The following DNAJC10 variants were observed in gnomAD, a reference collection of about 807,000 sequenced individuals.
The protein encoded by DNAJC10 is endoplasmic reticulum disulfide reductase DNAJC10.
DNAJC10 carries 101 observed loss-of-function variants against 115.0 expected under a neutral mutation model. That is an observed-to-expected ratio of 0.88 (90% CI 0.75 to 1.04). The LOEUF (loss-of-function observed/expected upper bound fraction) is 1.04, where lower values mean the gene tolerates loss of function less well. Ranked by LOEUF, DNAJC10 falls within the 50% of genes least tolerant of loss-of-function variation. DNAJC10 has a pLI of 0.00. For missense variants in DNAJC10, 981 were observed against 928.8 expected, an observed-to-expected ratio of 1.06 and a Z score of -0.73; for synonymous variants, 307 against 301.5, an observed-to-expected ratio of 1.02 and a Z score of -0.19.
rs552948274 is a variant in DNAJC10, at chr2:182,777,693, C to T, written c.*561C>T. The T allele has an allele frequency of 2.6e-5, 4 of 152,248 alleles. No individual in the cohort carries two copies. Among genetic ancestry groups the T allele is most frequent in the South Asian group, 4.1e-4 (2 of 4,822 alleles). The allele number at this position is 152,248 out of a possible 1,614,324, so 9.4% of individuals were successfully genotyped here. A position where few individuals can be genotyped will look rare whatever the true frequency, so the allele number is the denominator to read the frequency against. On this transcript the variant is annotated 3_prime_UTR_variant, in exon 24 of 24. Coordinates refer to ENST00000264065, the MANE Select transcript of DNAJC10 (RefSeq NM_018981.4). ...TATCCCTAACCATATATTTATATTT[C>T]GTTTTAAAAACACCCATGATGTGGC...
intron 5 of DNAJC10, among the ~76,000 whole-genome samples, chr2:182,726,846 C>T (rs965430939): frequency 6.6e-6 from 1 of 152,154 alleles, no homozygotes; most frequent in African/African-American, 2.4e-5. Context: ...ATCCTGCTGC[C>T]TCAGTCTCCC....
intron 14 of DNAJC10, among the ~76,000 whole-genome samples, chr2:182,750,234 A>T (rs922498530): frequency 2.0e-5 from 3 of 152,248 alleles, no homozygotes; most frequent in African/African-American, 4.8e-5. Flanking sequence ...ATGTAAGTGG[A>T]CTGTGGTAGC....
In DNAJC10 at chr2:182,758,020, A is replaced by G. The variant is rs1694200683; in HGVS notation, c.1943+195A>G. Among the ~76,000 whole-genome samples the G allele has an allele frequency of 2.0e-5, 3 of 152,196 alleles. No individual in the cohort carries two copies. The South Asian group carries it at 6.2e-4, about 31-fold the overall frequency. On this transcript the variant is annotated intron_variant, in intron 19 of 23. Transcript: ENST00000264065. ...AACAGTCTCACTGTGCATAAAGCTT[A>G]TAGTCTAGACAAAAAGATAAGGAAA...
chr2:182,733,928 TA>T (rs997479706), intron 10 of DNAJC10, among the ~76,000 whole-genome samples: 1 of 151,468 alleles, frequency 6.6e-6, no homozygotes, highest in Non-Finnish European at 1.5e-5. Context: ...CATAATATCC[TA>T]TTTTTTTATA....
chr2:182,725,237 C>T (rs1419704013), intron 5 of DNAJC10, among the ~76,000 whole-genome samples: 1 of 152,168 alleles, frequency 6.6e-6, no homozygotes, highest in Non-Finnish European at 1.5e-5. Context: ...TCTCCCACTT[C>T]TTGGGCCTCC....
intron 10 of DNAJC10, among the ~76,000 whole-genome samples, chr2:182,733,586 TAGCATCAAAGTTAGGCTG>T: frequency 6.6e-6 from 1 of 151,880 alleles, no homozygotes; most frequent in East Asian, 1.9e-4. Flanking sequence ...TGTGCACTTT[TAGCATCAAAGTTAGGCTG>T]GCCTTTAAAT....
chr2:182,763,727 AT>A (rs1252020080), intron 22 of DNAJC10, among the ~76,000 whole-genome samples: 3 of 152,134 alleles, frequency 2.0e-5, no homozygotes, highest in Non-Finnish European at 4.4e-5. Context: ...AAGGTTGAAT[AT>A]ATTGCCATGC....
At position 182,756,344 on chromosome 2, in the gene DNAJC10, A is replaced by G. The variant is rs746940493; in HGVS notation, c.1684A>G (p.Thr562Ala). 6.2e-7 allele frequency: 1 copy of G among 1,613,882 alleles called. No homozygotes were observed. The highest frequency in any genetic ancestry group is 1.1e-5 in the South Asian group (1 of 91,072). The change falls in exon 18 of 24, where the codon ACA (threonine) becomes GCA (alanine). Residue 562 changes from threonine to alanine, a missense_variant. Transcript: ENST00000264065. ...DLMNPSVVSL[T>A]PTTFNELVTQ... Reference sequence around the variant, plus strand: ...TATGAATCCTTCAGTGGTCTCCCTTACACCCACCACCTTCAACGAACTAGT... The same window carrying G: ...TATGAATCCTTCAGTGGTCTCCCTTGCACCCACCACCTTCAACGAACTAGT...
intron 5 of DNAJC10, among the ~76,000 whole-genome samples, chr2:182,727,532 T>C (rs190062515): frequency 3.5e-4 from 53 of 152,314 alleles, no homozygotes; most frequent in Non-Finnish European, 5.7e-4. Context: ...TTTGAAAACA[T>C]TGCCAAAGAA....
At chr2:182,769,294 A>C (rs1385110750) in intron 22 of DNAJC10, among the ~76,000 whole-genome samples, 2 of 152,146 alleles carry the variant, frequency 1.3e-5, no homozygotes, top group African/African-American at 2.4e-5. Flanking sequence ...ATATGTGTGC[A>C]TGTGTCTTTA....
intron 19 of DNAJC10, among the ~76,000 whole-genome samples, chr2:182,758,107 T>A (rs1380004286): frequency 6.6e-6 from 1 of 152,176 alleles, no homozygotes; most frequent in Non-Finnish European, 1.5e-5. Flanking sequence ...CTATATTAGA[T>A]ACTTTACTCA....
chr2:182,756,157 A>T (rs1481254982), intron 17 of DNAJC10, among the ~76,000 whole-genome samples, 157 bp from the exon 18 acceptor site: 2 of 152,220 alleles, frequency 1.3e-5, no homozygotes, highest in African/African-American at 2.4e-5. Flanking sequence ...CTTGGGTTTC[A>T]TTCCCAAGAT....
At chr2:182,769,913 G>T (rs1233237868) in intron 22 of DNAJC10, among the ~76,000 whole-genome samples, 3 of 152,132 alleles carry the variant, frequency 2.0e-5, no homozygotes, top group Non-Finnish European at 4.4e-5. Context: ...GTCCTGAATG[G>T]TATTGCCTAG....
rs367978668 is a variant in DNAJC10, at chr2:182,775,430, A to T, written c.2370+10A>T. On this transcript the variant is annotated intron_variant, in intron 23 of 23. Coordinates refer to ENST00000264065, the MANE Select transcript of DNAJC10 (RefSeq NM_018981.4). ...AGGCAAGAGGAATAAGGTATGGACT[A>T]AGCCTAGAGTTGACTTTGGCAAAAG... 5 of 1,586,922 alleles carry T rather than the reference A, an allele frequency of 3.2e-6. No homozygotes were observed. In the South Asian group the frequency reaches 5.6e-5, roughly 18 times the overall value.
In DNAJC10 at chr2:182,780,911, A is replaced by G. The variant is rs529844111; in HGVS notation, c.*3779A>G. The G allele has an allele frequency of 3.3e-5, 5 of 152,076 alleles. No homozygotes were observed. Among genetic ancestry groups the G allele is most frequent in the South Asian group, 2.1e-4 (1 of 4,826 alleles). The allele number at this position is 152,076 out of a possible 1,614,324, so 9.4% of individuals were successfully genotyped here. ...TGGCCTTTGGTCCTGAAAGTTAGCA[A>G]TCATCCCCAAAAAGGTCTGTGTTAA... On this transcript the variant is annotated 3_prime_UTR_variant, in exon 24 of 24. Coordinates refer to ENST00000264065, the MANE Select transcript of DNAJC10 (RefSeq NM_018981.4).
At chr2:182,725,917 C>T (rs769203899) in intron 5 of DNAJC10, among the ~76,000 whole-genome samples, 1 of 151,980 alleles carries the variant, frequency 6.6e-6, no homozygotes, top group Non-Finnish European at 1.5e-5. Context: ...ATTCTGCAGC[C>T]CGTAAATCAA....
intron 5 of DNAJC10, 52 bp from the exon 6 acceptor site, chr2:182,728,524 C>T: frequency 7.4e-7 from 1 of 1,342,854 alleles, no homozygotes; most frequent in Non-Finnish European, 1.1e-6. Flanking sequence ...CTAAAATATG[C>T]ATGAACCTTT....
Position 182,747,141 on chromosome 2 carries a change from G to C in DNAJC10, c.1306+3429G>C, listed in dbSNP as rs576842886. The stretch of plus-strand genomic sequence containing the variant: ...CTGTTTTGGTTACTGTAGCCTTGTA[G>C]TATAGTTTGAAGTCAGGTAGTGTGA... On this transcript the variant is annotated intron_variant, in intron 14 of 23. Coordinates refer to ENST00000264065, the MANE Select transcript of DNAJC10 (RefSeq NM_018981.4). Among the ~76,000 whole-genome samples the C allele has an allele frequency of 9.8e-3, 1,486 of 151,540 alleles. 13 individuals carry two copies. The highest frequency in any genetic ancestry group is 0.024 in the South Asian group (117 of 4,804).
intron 10 of DNAJC10, among the ~76,000 whole-genome samples, chr2:182,733,343 T>C (rs1693499242): frequency 6.6e-6 from 1 of 151,934 alleles, no homozygotes; most frequent in South Asian, 2.1e-4. Flanking sequence ...TTAGTATGCT[T>C]TTGTTTCATT....
Sources: allele counts gnomAD v4.1 joint callset (sites outside exome capture counted in the v4.1 genomes callset), GRCh38; gene constraint gnomAD v4.1.1; transcripts MANE v1.5; gene names NCBI Gene and HGNC (gene_info 2026-07-23, HGNC 2026-07-21).